Variants in EXOC2 observed in about 807,000 individuals in gnomAD.
The protein encoded by EXOC2 is exocyst complex component 2.
Under a neutral mutation model 131.8 loss-of-function variants are expected in EXOC2, and 70 were observed. The ratio of observed to expected loss-of-function variants is 0.53; its 90% CI spans 0.44 to 0.65. The LOEUF is 0.65. Among genes scored for constraint, EXOC2 ranks in the 30% least tolerant of loss-of-function variants. The pLI is 0.00. For synonymous variants in EXOC2, 411 were observed against 398.4 expected (o/e 1.03, Z -0.38); for missense variants, 923 against 1,108.6 (o/e 0.83, Z 2.38).
chr6:572,148 G>A (rs140036487), intron 13 of EXOC2, among the ~76,000 whole-genome samples: 15 of 152,288 alleles, frequency 9.8e-5, no homozygotes, highest in African/African-American at 3.6e-4. Flanking sequence ...TGCTATCCTT[G>A]TTTCCTCATT....
At chr6:647,031 T>C (rs1762606712) in intron 1 of EXOC2, among the ~76,000 whole-genome samples, 1 of 152,238 alleles carries the variant, frequency 6.6e-6, no homozygotes, top group African/African-American at 2.4e-5. Context: ...ACCACATTAA[T>C]TAATGCTTAC....
At chr6:521,673 T>C (rs141795120) in intron 23 of EXOC2, among the ~76,000 whole-genome samples, 69 of 152,150 alleles carry the variant, frequency 4.5e-4, no homozygotes, top group Middle Eastern at 3.4e-3. Flanking sequence ...ACCACAGGTA[T>C]GTGCCACCAT....
At chr6:604,248 A>G (rs1359457977) in intron 7 of EXOC2, among the ~76,000 whole-genome samples, 5 of 152,204 alleles carry the variant, frequency 3.3e-5, no homozygotes, top group African/African-American at 1.2e-4. Flanking sequence ...ATCTGAGGCC[A>G]GACATCTGTA....
chr6:543,905 C>A (rs1756692716), intron 22 of EXOC2, among the ~76,000 whole-genome samples: 1 of 152,158 alleles, frequency 6.6e-6, no homozygotes, highest in African/African-American at 2.4e-5. Flanking sequence ...ATCAGAATGA[C>A]ATGCAGGTCA....
chr6:660,443 C>T (rs370217789), intron 1 of EXOC2, among the ~76,000 whole-genome samples: 3 of 152,170 alleles, frequency 2.0e-5, no homozygotes, highest in South Asian at 2.1e-4. Flanking sequence ...TTCACATTCA[C>T]GGCTGAGAGA....
chr6:621,658 A>C (rs1273470062), intron 4 of EXOC2, among the ~76,000 whole-genome samples: 2 of 152,056 alleles, frequency 1.3e-5, no homozygotes, highest in Non-Finnish European at 2.9e-5. Flanking sequence ...ACCGAGACTG[A>C]GTCGATCGTG....
At chr6:562,874 TATTATA>T (rs1757772366) in intron 16 of EXOC2, 29 bp from the exon 17 acceptor site, 3 of 1,477,286 alleles carry the variant, frequency 2.0e-6, no homozygotes, top group Admixed American at 4.2e-5. Flanking sequence ...ACAAATACTT[TATTATA>T]ATTATCTCAC....
intron 23 of EXOC2, among the ~76,000 whole-genome samples, chr6:528,614 T>C (rs1484693734): frequency 2.0e-5 from 3 of 152,128 alleles, no homozygotes; most frequent in Non-Finnish European, 4.4e-5. Flanking sequence ...TATGGTGCCA[T>C]GTGCCATTTG....
At chr6:532,802 T>C (rs983322824) in intron 22 of EXOC2, among the ~76,000 whole-genome samples, 192 bp from the exon 23 acceptor site, 2 of 152,206 alleles carry the variant, frequency 1.3e-5, no homozygotes, top group Non-Finnish European at 2.9e-5. Flanking sequence ...GAAAAAATAA[T>C]CTCCATATAT....
chr6:692,182 G>A (rs959902942), intron 1 of EXOC2, among the ~76,000 whole-genome samples: 1 of 152,160 alleles, frequency 6.6e-6, no homozygotes, highest in Non-Finnish European at 1.5e-5. Context: ...AGTGTTCCTT[G>A]TAAGTTTACT....
rs553943111 is a variant in EXOC2, at chr6:512,205, T to C, written c.2381-12505A>G. ...GGGACTGAGGAAGGCCCACAGTACT[T>C]TGCAAACTCAATTCCAGTTGGTCCA... On this transcript the variant is annotated intron_variant, in intron 23 of 27. Coordinates refer to ENST00000230449, the MANE Select transcript of EXOC2 (RefSeq NM_018303.6). 2.0e-5 allele frequency among the ~76,000 whole-genome samples: 3 copies of C among 152,338 alleles called. No homozygotes were observed. In the East Asian group the frequency reaches 5.8e-4, roughly 29 times the overall value.
chr6:563,491 C>A (rs948354952), intron 16 of EXOC2, among the ~76,000 whole-genome samples: 1 of 152,184 alleles, frequency 6.6e-6, no homozygotes, highest in Non-Finnish European at 1.5e-5. Context: ...GCCATTTTAG[C>A]AATGTTCTTA....
intron 22 of EXOC2, among the ~76,000 whole-genome samples, chr6:533,609 C>T (rs931550977): frequency 6.6e-6 from 1 of 152,080 alleles, no homozygotes; most frequent in Non-Finnish European, 1.5e-5. Context: ...TGGGGGCTCC[C>T]GATGGGAGTG....
chr6:535,483 G>A (rs1766383342), intron 22 of EXOC2, among the ~76,000 whole-genome samples: 1 of 151,994 alleles, frequency 6.6e-6, no homozygotes, highest in Non-Finnish European at 1.5e-5. Flanking sequence ...GAACAGAAAT[G>A]AAAAAAGAAA....
chr6:638,363 G>A (rs1449854703), intron 1 of EXOC2, among the ~76,000 whole-genome samples: 1 of 152,078 alleles, frequency 6.6e-6, no homozygotes, highest in East Asian at 1.9e-4. Flanking sequence ...GCAATATACT[G>A]ACATTTCTAC....
At chr6:659,316 G>C (rs1340494564) in intron 1 of EXOC2, among the ~76,000 whole-genome samples, 3 of 152,168 alleles carry the variant, frequency 2.0e-5, no homozygotes, top group African/African-American at 4.8e-5. Context: ...CTAGAGCAGT[G>C]TTTCCCAAAC....
intron 1 of EXOC2, among the ~76,000 whole-genome samples, chr6:662,387 T>C (rs1044303024): frequency 3.9e-5 from 6 of 152,186 alleles, no homozygotes; most frequent in South Asian, 2.1e-4. Context: ...TTCTCCAAGA[T>C]AGACTATATG....
At chr6:652,838 A>C (rs902210736) in intron 1 of EXOC2, among the ~76,000 whole-genome samples, 2 of 152,202 alleles carry the variant, frequency 1.3e-5, no homozygotes, top group African/African-American at 4.8e-5. Flanking sequence ...TACTACTCAG[A>C]TACTGCACTT....
chr6:488,583 AT>A (rs1763231761), intron 27 of EXOC2, among the ~76,000 whole-genome samples: 1 of 152,168 alleles, frequency 6.6e-6, no homozygotes, highest in Admixed American at 6.5e-5. Context: ...TTACTCAAAA[AT>A]TAAAAAAAAA....
Sources: allele counts gnomAD v4.1 joint callset (sites outside exome capture counted in the v4.1 genomes callset), GRCh38; gene constraint gnomAD v4.1.1; transcripts MANE v1.5; gene names NCBI Gene and HGNC (gene_info 2026-07-23, HGNC 2026-07-21).